The following FMNL2 variants were observed in gnomAD, a reference collection of about 807,000 sequenced individuals.
FMNL2 encodes the protein formin-like protein 2.
In FMNL2, 51 loss-of-function variants were observed where a neutral mutation model predicts 130.2. The observed-to-expected ratio is 0.39, with a 90% CI of 0.31 to 0.49. FMNL2 has a LOEUF of 0.49. FMNL2 is among the 20% of genes least tolerant of loss of function. The pLI is 0.85. For missense variants in FMNL2, 977 were observed against 1,316.2 expected, an observed-to-expected ratio of 0.74 and a Z score of 3.99; for synonymous variants, 465 against 467.1, an observed-to-expected ratio of 1.00 and a Z score of 0.06.
chr2:152,463,493 C>T (rs1689360483), intron 1 of FMNL2, among the ~76,000 whole-genome samples: 1 of 152,176 alleles, frequency 6.6e-6, no homozygotes. Context: ...ACCCTTGTGG[C>T]CTGAGTGCAA....
intron 2 of FMNL2, among the ~76,000 whole-genome samples, chr2:152,532,553 A>C (rs952280588): frequency 2.7e-5 from 4 of 150,788 alleles, no homozygotes; most frequent in Non-Finnish European, 5.9e-5. Context: ...ACATTTGTAT[A>C]TCTTTGTTGA....
intron 2 of FMNL2, among the ~76,000 whole-genome samples, chr2:152,530,013 C>T (rs1473069630): frequency 6.6e-6 from 1 of 152,174 alleles, no homozygotes; most frequent in Non-Finnish European, 1.5e-5. Context: ...ATGTATATCA[C>T]AGTGCCTGCC....
intron 8 of FMNL2, among the ~76,000 whole-genome samples, chr2:152,579,245 G>C (rs1696642494): frequency 6.6e-6 from 1 of 152,158 alleles, no homozygotes. Flanking sequence ...GCTAAATTTG[G>C]AGAGGATCAG....
At chr2:152,508,222 C>A (rs1428052025) in intron 1 of FMNL2, among the ~76,000 whole-genome samples, 3 of 152,246 alleles carry the variant, frequency 2.0e-5, no homozygotes, top group Middle Eastern at 3.4e-3. Flanking sequence ...AAACGACAGA[C>A]CCCCGAGATA....
intron 1 of FMNL2, among the ~76,000 whole-genome samples, chr2:152,450,750 C>T (rs953669464): frequency 1.3e-5 from 2 of 152,192 alleles, no homozygotes; most frequent in African/African-American, 2.4e-5. Context: ...GTCTCCTCTG[C>T]CTGACTTCAC....
At chr2:152,369,578 GGTT>G (rs1022809282) in intron 1 of FMNL2, among the ~76,000 whole-genome samples, 1 of 152,196 alleles carries the variant, frequency 6.6e-6, no homozygotes, top group Non-Finnish European at 1.5e-5. Context: ...AGAGGGTAGA[GGTT>G]TATTGGTGCA....
chr2:152,646,277 A>G (rs954294620), intron 25 of FMNL2, among the ~76,000 whole-genome samples: 3 of 152,076 alleles, frequency 2.0e-5, no homozygotes, highest in Admixed American at 1.3e-4. Flanking sequence ...TGCTGCAGTG[A>G]GCAGAGATCA....
rs193093265 is a variant in FMNL2, at chr2:152,414,114, T to C, written c.117+78394T>C. Among the ~76,000 whole-genome samples, 974 of 152,324 alleles carry C rather than the reference T, an allele frequency of 6.4e-3. 12 individuals are homozygous for C. Among genetic ancestry groups the C allele is most frequent in the South Asian group, 0.063 (303 of 4,824 alleles). ...GATCTACCTGTTTTATGTTTTTTTT[T>C]CCTCCTTTTTGACTTTGGATTAGGC... On this transcript the variant is annotated intron_variant, in intron 1 of 25. Transcript: ENST00000288670.
rs78155453 is a variant in FMNL2, at chr2:152,621,121, C to T, written c.1837+1403C>T. 3.2e-3 allele frequency: 3,137 copies of T among 985,398 alleles called. 66 individuals carry two copies. In the African/African-American group the frequency reaches 0.045, roughly 14 times the overall value. 61.0% of individuals were successfully genotyped at this position (985,398 alleles called of 1,614,324 possible). A position where few individuals can be genotyped will look rare whatever the true frequency, so the allele number is the denominator to read the frequency against. Reference sequence around the variant, plus strand: ...GTAACTGGGTGTGGAAACCCATTATCGTCCCGTGCACCTGGCCACCCTGAT... The same window carrying T: ...GTAACTGGGTGTGGAAACCCATTATTGTCCCGTGCACCTGGCCACCCTGAT... On this transcript the variant is annotated intron_variant, in intron 15 of 25. Coordinates refer to ENST00000288670, the MANE Select transcript of FMNL2 (RefSeq NM_052905.4).
At chr2:152,465,115 C>T (rs1180399775) in intron 1 of FMNL2, among the ~76,000 whole-genome samples, 2 of 152,236 alleles carry the variant, frequency 1.3e-5, no homozygotes, top group Non-Finnish European at 2.9e-5. Context: ...TAGCCCTGCG[C>T]AAGTAGTGAA....
chr2:152,580,952 G>A lies in FMNL2; in HGVS notation c.783-4G>A. On this transcript the variant is annotated splice_polypyrimidine_tract_variant and splice_region_variant and intron_variant, in intron 8 of 25. Transcript: ENST00000288670. Reference sequence around the variant, plus strand: ...TTGTGTTTTTCTTCTTCTTGTTTTGGCAGAACAAAAGCCCTTGTCTTAGAA... The same window carrying A: ...TTGTGTTTTTCTTCTTCTTGTTTTGACAGAACAAAAGCCCTTGTCTTAGAA... 1 of 1,612,024 alleles carries A rather than the reference G, an allele frequency of 6.2e-7. No individual in the cohort carries two copies. Among genetic ancestry groups the A allele is most frequent in the Non-Finnish European group, 8.5e-7 (1 of 1,179,314 alleles).
In FMNL2 at chr2:152,572,691, C is replaced by T. The variant is rs888505876; in HGVS notation, c.597-2445C>T. On this transcript the variant is annotated intron_variant, in intron 6 of 25. Coordinates refer to ENST00000288670, the MANE Select transcript of FMNL2 (RefSeq NM_052905.4). ...CCAGGAATCTGAGGCTGCAGGGAGC[C>T]GTGATCATGGTACTGCACTTCAGCC... is the stretch of plus-strand genomic sequence containing the variant. 5.3e-5 allele frequency among the ~76,000 whole-genome samples: 8 copies of T among 152,162 alleles called. No homozygotes were observed. The South Asian group carries it at 1.2e-3, about 24-fold the overall frequency.
At chr2:152,449,782 GCTT>G (rs1688532942) in intron 1 of FMNL2, among the ~76,000 whole-genome samples, 1 of 152,204 alleles carries the variant, frequency 6.6e-6, no homozygotes, top group Admixed American at 6.5e-5. Flanking sequence ...TGTAGAAGAA[GCTT>G]CTCAGATACT....
chr2:152,646,334 C>T (rs1450838210), intron 25 of FMNL2, among the ~76,000 whole-genome samples: 1 of 15,112 alleles, frequency 6.6e-5, no homozygotes, highest in East Asian at 0.015. Context: ...CCCCTCACAA[C>T]CCCCGCCCAC....
chr2:152,492,115 T>C (rs931204294), intron 1 of FMNL2, among the ~76,000 whole-genome samples: 1 of 152,186 alleles, frequency 6.6e-6, no homozygotes, highest in South Asian at 2.1e-4. Flanking sequence ...AGTTTGTGGG[T>C]TTCAGAAGTT....
Position 152,611,614 on chromosome 2 carries a change from A to T in FMNL2, c.1062+9A>T. 6.5e-7 allele frequency: 1 copy of T among 1,534,586 alleles called. No homozygotes were observed. The highest frequency in any genetic ancestry group is 9.0e-7 in the Non-Finnish European group (1 of 1,116,098). Reference sequence around the variant, plus strand: ...TGGACGAATACTTGGACGTGAGTATAGCTGTGACCTTTGGCTCCAATATAA... The same window carrying T: ...TGGACGAATACTTGGACGTGAGTATTGCTGTGACCTTTGGCTCCAATATAA... On this transcript the variant is annotated intron_variant, in intron 11 of 25. Transcript: ENST00000288670.
intron 9 of FMNL2, among the ~76,000 whole-genome samples, chr2:152,601,881 G>T (rs1030483547): frequency 6.6e-6 from 1 of 151,858 alleles, no homozygotes; most frequent in Non-Finnish European, 1.5e-5. Context: ...TGTTGGCCAG[G>T]CTGGTCTCAA....
intron 1 of FMNL2, among the ~76,000 whole-genome samples, chr2:152,437,177 A>C (rs1029137073): frequency 6.6e-6 from 1 of 152,192 alleles, no homozygotes; most frequent in Non-Finnish European, 1.5e-5. Flanking sequence ...GCCCCATCTC[A>C]AAATACCATC....
intron 25 of FMNL2, chr2:152,645,540 T>G: frequency 7.8e-7 from 1 of 1,281,206 alleles, no homozygotes; most frequent in Non-Finnish European, 1.0e-6. Context: ...AAGCATCACT[T>G]TTTACTTAGC....
Sources: allele counts gnomAD v4.1 joint callset (sites outside exome capture counted in the v4.1 genomes callset), GRCh38; gene constraint gnomAD v4.1.1; transcripts MANE v1.5; gene names NCBI Gene and HGNC (gene_info 2026-07-23, HGNC 2026-07-21).